The following KCMF1 variants were observed in gnomAD, a reference collection of about 807,000 sequenced individuals.
KCMF1 encodes the protein potassium channel modulatory factor 1.
In KCMF1, 3 loss-of-function variants were observed where a neutral mutation model predicts 41.1. That is an observed-to-expected ratio of 0.07 (90% CI 0.03 to 0.19). KCMF1 has a LOEUF of 0.19. KCMF1 is among the 10% of genes least tolerant of loss of function. KCMF1 has a pLI of 1.00. For synonymous variants in KCMF1, 142 were observed against 164.5 expected, an observed-to-expected ratio of 0.86 and a Z score of 1.04; for missense variants, 286 against 488.9, an observed-to-expected ratio of 0.58 and a Z score of 3.91.
intron 1 of KCMF1, among the ~76,000 whole-genome samples, chr2:84,979,278 C>T (rs1673640354): frequency 6.6e-6 from 1 of 152,074 alleles, no homozygotes; most frequent in Non-Finnish European, 1.5e-5. Context: ...CCTGTAATCC[C>T]ATGGGAGACC....
At chr2:85,005,629 A>G (rs1241667316) in intron 1 of KCMF1, among the ~76,000 whole-genome samples, 1 of 151,912 alleles carries the variant, frequency 6.6e-6, no homozygotes, top group Non-Finnish European at 1.5e-5. Flanking sequence ...ATAATTATAC[A>G]TATTTCTAGG....
intron 1 of KCMF1, chr2:84,971,858 C>G (rs1413001573): frequency 2.0e-5 from 3 of 152,062 alleles, no homozygotes; most frequent in African/African-American, 7.2e-5. Flanking sequence ...CCCGCCGCCC[C>G]GGAAGAGCCC....
At chr2:85,034,974 A>G in intron 2 of KCMF1, 42 bp from the exon 3 acceptor site, 1 of 1,517,698 alleles carries the variant, frequency 6.6e-7, no homozygotes, top group Non-Finnish European at 9.1e-7. Context: ...TTATATGTTT[A>G]AAAACTAATA....
intron 1 of KCMF1, chr2:84,972,209 C>T (rs1673416261): frequency 6.6e-6 from 1 of 152,292 alleles, no homozygotes; most frequent in African/African-American, 2.4e-5. Context: ...GCATGTGCTG[C>T]CTACCAGACC....
intron 2 of KCMF1, 31 bp downstream of exon 2, chr2:85,028,087 C>G: frequency 7.0e-7 from 1 of 1,425,994 alleles, no homozygotes; most frequent in Non-Finnish European, 9.7e-7. Context: ...TGAATTACAT[C>G]ATTTAGAATT....
rs1433629748 is a variant in KCMF1 at position 85,058,921 on chromosome 2, G to GCT, written c.*5520_*5521dup. On this transcript the variant is annotated 3_prime_UTR_variant, in exon 7 of 7. Transcript: ENST00000409785. ...CTTCTGTAAGCTGGATGGAGTCCCA[G>GCT]CTCTCTCTCCTTGTATATAAGGAGA... The GCT allele has an allele frequency of 6.6e-6, 1 of 152,114 alleles. No individual in the cohort carries two copies. Among genetic ancestry groups the GCT allele is most frequent in the Non-Finnish European group, 1.5e-5 (1 of 68,020 alleles). The allele number at this position is 152,114 out of a possible 1,614,324, so 9.4% of individuals were successfully genotyped here.
Position 85,027,935 on chromosome 2 carries a change from A to G in KCMF1, c.63A>G (p.Arg21=), listed in dbSNP as rs746700157. 1.2e-6 allele frequency: 2 copies of G among 1,612,240 alleles called. No homozygotes were observed. The highest frequency in any genetic ancestry group is 8.5e-7 in the Non-Finnish European group (1 of 1,179,148). Residue 21 remains arginine (R), a synonymous_variant, in exon 2 of 7, where the codon AGA becomes AGG. Transcript: ENST00000409785. ...ACLKGNFRGR[R]YKCLICYDYD... Reference sequence around the variant, plus strand: ...TAAAAGGAAATTTTCGAGGTCGCAGATATAAGTGTTTAATTTGCTACGATT... The same window carrying G: ...TAAAAGGAAATTTTCGAGGTCGCAGGTATAAGTGTTTAATTTGCTACGATT...
At chr2:85,043,272 GT>G (rs150726095) in intron 3 of KCMF1, among the ~76,000 whole-genome samples, 2,406 of 151,978 alleles carry the variant, frequency 0.016, 70 homozygotes, top group African/African-American at 0.055. Context: ...ACATTTTAAA[GT>G]TTTTTTTAAT....
intron 1 of KCMF1, among the ~76,000 whole-genome samples, chr2:84,985,560 G>A (rs1037918366): frequency 6.6e-6 from 1 of 151,288 alleles, no homozygotes; most frequent in African/African-American, 2.4e-5. Flanking sequence ...GCCTGGCGCG[G>A]TGGCTCACGC....
At chr2:85,017,250 T>A (rs1261605262) in intron 1 of KCMF1, among the ~76,000 whole-genome samples, 1 of 151,274 alleles carries the variant, frequency 6.6e-6, no homozygotes, top group Admixed American at 6.6e-5. Context: ...ATGGTCTCGA[T>A]CTCCTGACCT....
chr2:85,058,645 TTA>T lies in KCMF1; in HGVS notation c.*5238_*5239del, dbSNP rs377680529. 91 of 152,304 alleles carry T rather than the reference TTA, an allele frequency of 6.0e-4. No homozygotes were observed. The highest frequency in any genetic ancestry group is 2.2e-3 in the African/African-American group (90 of 41,558). The allele number at this position is 152,304 out of a possible 1,614,324, so 9.4% of individuals were successfully genotyped here. A position where few individuals can be genotyped will look rare whatever the true frequency, so the allele number is the denominator to read the frequency against. ...GTAGGTACGAAGCTTTGTCTAAACA[TTA>T]TTTACCAACTGCGATTTTTACAGAC... On this transcript the variant is annotated 3_prime_UTR_variant, in exon 7 of 7. Transcript: ENST00000409785.
At chr2:84,978,105 C>T (rs1052510696) in intron 1 of KCMF1, among the ~76,000 whole-genome samples, 1 of 151,956 alleles carries the variant, frequency 6.6e-6, no homozygotes, top group Non-Finnish European at 1.5e-5. Context: ...TCAAGTGATT[C>T]TCCTGCCTCA....
intron 1 of KCMF1, among the ~76,000 whole-genome samples, chr2:85,019,809 T>C (rs991653999): frequency 6.6e-6 from 1 of 151,814 alleles, no homozygotes; most frequent in Non-Finnish European, 1.5e-5. Context: ...TGTGTGTATA[T>C]ATACATACGT....
At chr2:84,981,925 G>A (rs1246543050) in intron 1 of KCMF1, among the ~76,000 whole-genome samples, 3 of 151,928 alleles carry the variant, frequency 2.0e-5, no homozygotes, top group East Asian at 1.9e-4. Flanking sequence ...GATTACAGGC[G>A]CCCACTACCA....
intron 4 of KCMF1, among the ~76,000 whole-genome samples, chr2:85,045,888 T>TACAC (rs143814912): frequency 6.6e-6 from 1 of 151,722 alleles, no homozygotes; most frequent in African/African-American, 2.4e-5. Context: ...ACACACCCAA[T>TACAC]ACACACACAC....
chr2:84,976,443 T>C (rs972385429), intron 1 of KCMF1, among the ~76,000 whole-genome samples: 4 of 151,978 alleles, frequency 2.6e-5, no homozygotes, highest in African/African-American at 9.7e-5. Flanking sequence ...TGACCGCAAG[T>C]GATCCACCCA....
At chr2:84,982,633 A>C (rs1050000296) in intron 1 of KCMF1, among the ~76,000 whole-genome samples, 7 of 151,840 alleles carry the variant, frequency 4.6e-5, no homozygotes, top group Admixed American at 4.6e-4. Context: ...TCCTGACCTC[A>C]GGTGATCTAC....
Position 84,971,377 on chromosome 2 carries a change from G to C in KCMF1, c.-75G>C, listed in dbSNP as rs1673387947. 2.0e-6 allele frequency: 2 copies of C among 1,014,018 alleles called. No individual in the cohort carries two copies. The highest frequency in any genetic ancestry group is 2.4e-6 in the Non-Finnish European group (2 of 831,982). 62.8% of individuals were successfully genotyped at this position (1,014,018 alleles called of 1,614,324 possible). ...GAGTGGGAGTCGGCCGGCCGGCGCG[G>C]GCAGCGCCGGGACCCCGCGGGGGAC... is the stretch of plus-strand genomic sequence containing the variant. On this transcript the variant is annotated 5_prime_UTR_variant, in exon 1 of 7. Transcript: ENST00000409785.
At chr2:85,022,852 A>G (rs1674977354) in intron 1 of KCMF1, among the ~76,000 whole-genome samples, 1 of 150,894 alleles carries the variant, frequency 6.6e-6, no homozygotes, top group African/African-American at 2.4e-5. Flanking sequence ...TTCCTAAACT[A>G]GATACTGGTT....
Sources: gnomAD v4.1 joint callset for allele counts (sites outside exome capture counted in the v4.1 genomes callset) on GRCh38, gnomAD v4.1.1 for gene constraint, MANE v1.5 for transcripts, NCBI Gene and HGNC (gene_info 2026-07-23, HGNC 2026-07-21) for gene names.